The following IVD variants were observed in gnomAD, a reference collection of about 807,000 sequenced individuals.
IVD encodes isovaleryl-CoA dehydrogenase.
IVD carries 31 observed loss-of-function variants against 51.3 expected under a neutral mutation model. The observed-to-expected ratio is 0.60, with a 90% confidence interval of 0.45 to 0.81. The LOEUF (loss-of-function observed/expected upper bound fraction) is 0.81, where lower values mean the gene tolerates loss of function less well. Among genes scored for constraint, IVD ranks in the 40% least tolerant of loss-of-function variants. IVD has a pLI of 0.00. For synonymous variants in IVD, 205 were observed against 219.4 expected (o/e 0.93, Z 0.58); for missense variants, 475 against 552.0 (o/e 0.86, Z 1.40).
rs1362173401 is a variant in IVD at position 40,418,265 on chromosome 15, C to T, written c.*2C>T. 6.2e-7 allele frequency: 1 copy of T among 1,614,014 alleles called. No homozygotes were observed. The highest frequency in any genetic ancestry group is 8.5e-7 in the Non-Finnish European group (1 of 1,179,962). On this transcript the variant is annotated 3_prime_UTR_variant, in exon 12 of 12. Coordinates refer to ENST00000487418, the MANE Select transcript of IVD (RefSeq NM_002225.5). ...GCCTTCAATGCAGACTTTCACTAGT[C>T]CTGAGACCCTTCGCCCCCTTTTCCT...
chr15:40,416,113 C>T lies in IVD; in HGVS notation c.996C>T (p.Arg332=). 1 of 1,614,280 alleles carries T rather than the reference C, an allele frequency of 6.2e-7. No individual in the cohort carries two copies. Among genetic ancestry groups the T allele is most frequent in the South Asian group, 1.1e-5 (1 of 91,090 alleles). Residue 332 remains arginine, a synonymous_variant, in exon 10 of 12, where the codon CGC becomes CGT. Transcript: ENST00000487418. ...MQGKMADMYT[R]LMACRQYVYN... ...GGAAGATGGCTGACATGTACACCCG[C>T]CTCATGGCGTGTCGGCAGTATGTCT...
In IVD at chr15:40,408,004, CTT is replaced by C. The variant is rs775497134; in HGVS notation, c.286+16_286+17del. 6.9e-5 allele frequency: 112 copies of C among 1,612,922 alleles called. No individual in the cohort carries two copies. The highest frequency in any genetic ancestry group is 9.2e-5 in the Non-Finnish European group (108 of 1,179,054). On this transcript the variant is annotated intron_variant, in intron 3 of 11. Transcript: ENST00000487418. ...TCACAGCCCCTGGTGAGTATAGTGTCTTTCCCTAAAAAGAACTTTTCTTATGT... is the reference window on the plus strand; with the variant it reads ...TCACAGCCCCTGGTGAGTATAGTGTCTCCCTAAAAAGAACTTTTCTTATGT...
intron 3 of IVD, 119 bp downstream of exon 3, chr15:40,408,109 T>C: frequency 2.2e-6 from 2 of 918,544 alleles, no homozygotes; most frequent in Non-Finnish European, 3.5e-6. Flanking sequence ...ACTGCATCTT[T>C]TGGACCTGTG....
In IVD at chr15:40,410,801, A is replaced by G. The variant is rs1890991541; in HGVS notation, c.456+4A>G. On this transcript the variant is annotated splice_donor_region_variant and intron_variant, in intron 4 of 11. Transcript: ENST00000487418. The stretch of plus-strand genomic sequence containing the variant: ...GAAAGAGAAGTATCTCCCGAAGGTG[A>G]GGAAATGGAAATGTAATACACGCTA... The G allele has an allele frequency of 6.2e-7, 1 of 1,614,106 alleles. No individual in the cohort carries two copies. Among genetic ancestry groups the G allele is most frequent in the Non-Finnish European group, 8.5e-7 (1 of 1,180,008 alleles).
downstream of IVD, among the ~76,000 whole-genome samples, chr15:40,427,947 TGAGGCGGGCA>T (rs1416599088): frequency 6.6e-6 from 1 of 152,088 alleles, no homozygotes; most frequent in Non-Finnish European, 1.5e-5. Context: ...TTTGGGAGGC[TGAGGCGGGCA>T]GATCACCTGA....
At position 40,412,457 on chromosome 15, in the gene IVD, G is replaced by A. The variant is rs540801223; in HGVS notation, c.688-534G>A. 4.4e-4 allele frequency among the ~76,000 whole-genome samples: 67 copies of A among 152,304 alleles called. 1 individual carries two copies. In the South Asian group the frequency reaches 8.5e-3, roughly 19 times the overall value. On this transcript the variant is annotated intron_variant, in intron 6 of 11. Coordinates refer to ENST00000487418, the MANE Select transcript of IVD (RefSeq NM_002225.5). ...CTAGGGTTGGAGCAGTAGGGACCTG[G>A]CTGAGATTGGAAATCTCAAGGTTGC...
chr15:40,431,213 G>A (rs571893421), intron 7 of IVD, among the ~76,000 whole-genome samples: 2 of 151,374 alleles, frequency 1.3e-5, no homozygotes, highest in South Asian at 4.2e-4. Context: ...CGAACTCCTG[G>A]GCTCAAGCTA....
chr15:40,427,799 G>A (rs1001708063), downstream of IVD, among the ~76,000 whole-genome samples: 7 of 152,208 alleles, frequency 4.6e-5, no homozygotes, highest in Non-Finnish European at 1.5e-5. Context: ...TAACTGGCCT[G>A]CATCCTGCCC....
At chr15:40,412,944 C>G (rs1459968171) in intron 6 of IVD, 47 bp from the exon 7 acceptor site, 4 of 1,530,274 alleles carry the variant, frequency 2.6e-6, no homozygotes, top group Non-Finnish European at 2.7e-6. Context: ...TACCAGGCCC[C>G]CTTGGGGCTA....
chr15:40,428,690 G>C (rs1469324175), downstream of IVD, among the ~76,000 whole-genome samples: 1 of 152,172 alleles, frequency 6.6e-6, no homozygotes, highest in African/African-American at 2.4e-5. Context: ...ACCTCCAAGG[G>C]GGCTGCAACC....
downstream of IVD, among the ~76,000 whole-genome samples, chr15:40,423,058 GC>G (rs926875453): frequency 4.3e-5 from 6 of 138,620 alleles, no homozygotes; most frequent in African/African-American, 1.6e-4. Context: ...CCCACCCCCA[GC>G]CCCCCAGTAG....
At chr15:40,431,965 C>CTTTTT (rs34083732) in intron 7 of IVD, among the ~76,000 whole-genome samples, 3 of 138,842 alleles carry the variant, frequency 2.2e-5, no homozygotes, top group Admixed American at 1.4e-4. Flanking sequence ...ATATCTAAGT[C>CTTTTT]TTTTTTTTTT....
chr15:40,406,167 GTC>G, intron 1 of IVD, 196 bp downstream of exon 1: 1 of 1,538,934 alleles, frequency 6.5e-7, no homozygotes. Flanking sequence ...TCGGCCTCAC[GTC>G]TGTGGAGTGA....
chr15:40,410,548 G>C, intron 3 of IVD, 80 bp from the exon 4 acceptor site: 2 of 1,543,102 alleles, frequency 1.3e-6, no homozygotes, highest in Non-Finnish European at 1.8e-6. Context: ...CCCTTCTGCC[G>C]TCAAATGTAA....
chr15:40,421,128 A>G lies in IVD; in HGVS notation c.*2865A>G. ...TATGTTGGAGATGAATGTGACTAAA[A>G]GGGCCATCTTGCTGGCTTAATGTGT... is the stretch of plus-strand genomic sequence containing the variant. On this transcript the variant is annotated 3_prime_UTR_variant, in exon 12 of 12. Transcript: ENST00000487418. 1.0e-6 allele frequency: 1 copy of G among 985,492 alleles called. No homozygotes were observed. Among genetic ancestry groups the G allele is most frequent in the Non-Finnish European group, 1.2e-6 (1 of 829,954 alleles). 61.0% of individuals were successfully genotyped at this position (985,492 alleles called of 1,614,324 possible).
At chr15:40,434,645 T>C (rs1193921754) in intron 8 of IVD, among the ~76,000 whole-genome samples, 1 of 152,194 alleles carries the variant, frequency 6.6e-6, no homozygotes, top group Admixed American at 6.5e-5. Flanking sequence ...GGAATTGAGC[T>C]TCAGGAGAGT....
chr15:40,422,585 CTTTTTTTTTTTTT>C (rs1157351420), downstream of IVD, among the ~76,000 whole-genome samples: 101 of 69,156 alleles, frequency 1.5e-3, 1 homozygote, highest in African/African-American at 7.1e-3. Context: ...GCCCGGCCGA[CTTTTTTTTTTTTT>C]TTTTTTTTTT....
intron 9 of IVD, 124 bp downstream of exon 9, chr15:40,415,606 C>CA: frequency 2.4e-6 from 2 of 828,018 alleles, no homozygotes; most frequent in Non-Finnish European, 4.0e-6. Flanking sequence ...AGCTTGACTG[C>CA]TTGGAATGCA....
chr15:40,415,199 A>C, intron 8 of IVD: 1 of 732,854 alleles, frequency 1.4e-6, no homozygotes, highest in South Asian at 1.7e-5. Context: ...CCTGAGGAGC[A>C]GGGTGGCTTA....
Sources: allele counts gnomAD v4.1 joint callset (sites outside exome capture counted in the v4.1 genomes callset), GRCh38; gene constraint gnomAD v4.1.1; transcripts MANE v1.5; gene names NCBI Gene and HGNC (gene_info 2026-07-23, HGNC 2026-07-21).